The following F10 variants were observed in gnomAD, a reference collection of about 807,000 sequenced individuals.
The protein encoded by F10 is coagulation factor X.
A neutral mutation model predicts 37.1 loss-of-function variants in F10; 29 were observed. The ratio of observed to expected loss-of-function variants is 0.78; its 90% CI spans 0.58 to 1.07. The LOEUF is 1.07. Among genes scored for constraint, F10 ranks in the 50% least tolerant of loss-of-function variants. The pLI is 0.00. For synonymous variants in F10, 262 were observed against 268.6 expected, an observed-to-expected ratio of 0.98 and a Z score of 0.24; for missense variants, 539 against 667.9, an observed-to-expected ratio of 0.81 and a Z score of 2.13.
chr13:113,123,634 C>A (rs146004437), intron 1 of F10, among the ~76,000 whole-genome samples: 2 of 152,238 alleles, frequency 1.3e-5, no homozygotes, highest in Non-Finnish European at 2.9e-5. Context: ...CCAAGGGGAC[C>A]CAGGCCTGGG....
intron 1 of F10, among the ~76,000 whole-genome samples, chr13:113,125,243 C>T (rs145534666): frequency 3.8e-3 from 586 of 152,300 alleles, no homozygotes; most frequent in Non-Finnish European, 6.1e-3. Flanking sequence ...CAGTGCCAGC[C>T]TTTAAACTAC....
chr13:113,130,782 TCTAATGACCC>T (rs2036426676), intron 2 of F10: 1 of 152,326 alleles, frequency 6.6e-6, no homozygotes, highest in South Asian at 2.1e-4. Context: ...AAGTTCACCT[TCTAATGACCC>T]CTGCGGACCA....
chr13:113,130,549 C>CG (rs1420889212), intron 2 of F10: 1 of 152,330 alleles, frequency 6.6e-6, no homozygotes, highest in East Asian at 1.9e-4. Context: ...AGGCCAGCCG[C>CG]GGCTGGTGCC....
At chr13:113,123,300 A>G (rs934114094) in intron 1 of F10, among the ~76,000 whole-genome samples, 7 of 152,192 alleles carry the variant, frequency 4.6e-5, no homozygotes, top group Non-Finnish European at 5.9e-5. Flanking sequence ...GAGACAGGAC[A>G]GTTAGCCATC....
intron 7 of F10, among the ~76,000 whole-genome samples, chr13:113,148,392 A>G (rs950185522): frequency 6.2e-4 from 12 of 19,446 alleles, no homozygotes; most frequent in Non-Finnish European, 1.4e-3. Context: ...ATATATATAC[A>G]TATATATACA....
chr13:113,130,379 A>AG (rs1000174970), intron 2 of F10: 1 of 153,566 alleles, frequency 6.5e-6, no homozygotes, highest in African/African-American at 2.4e-5. Context: ...GAAATGGCCG[A>AG]GGGGTCTCGA....
chr13:113,122,877 G>A lies in F10; in HGVS notation c.22G>A (p.Val8Ile), dbSNP rs372884946. ...CACCATGGGGCGCCCACTGCACCTCGTCCTGCTCAGTGCCTCCCTGGCTGG... is the reference window on the plus strand; with the variant it reads ...CACCATGGGGCGCCCACTGCACCTCATCCTGCTCAGTGCCTCCCTGGCTGG... The part of the protein sequence containing the change: MGRPLHL[V>I]LLSASLAGLL... The change falls in exon 1 of 8, where the codon GTC (valine) becomes ATC (isoleucine). Residue 8 changes from valine (V) to isoleucine (I), a missense_variant. Physicochemically the swap from Val to Ile is conservative, Grantham distance 29. Transcript: ENST00000375559. 38 of 1,610,694 alleles carry A rather than the reference G, an allele frequency of 2.4e-5. No individual in the cohort carries two copies. Among genetic ancestry groups the A allele is most frequent in the Non-Finnish European group, 3.1e-5 (37 of 1,180,024 alleles).
At chr13:113,123,440 G>A (rs1375506281) in intron 1 of F10, among the ~76,000 whole-genome samples, 1 of 152,212 alleles carries the variant, frequency 6.6e-6, no homozygotes, top group Admixed American at 6.5e-5. Context: ...ATGCACAGCT[G>A]GACAGGTGGG....
At chr13:113,138,150 C>A (rs1391875019) in intron 2 of F10, among the ~76,000 whole-genome samples, 4 of 152,224 alleles carry the variant, frequency 2.6e-5, no homozygotes, top group African/African-American at 7.2e-5. Flanking sequence ...CATTGACCAG[C>A]TCGGGAGTAG....
chr13:113,141,101 G>A lies in F10; in HGVS notation c.502+51G>A. On this transcript the variant is annotated intron_variant, in intron 5 of 7. Coordinates refer to ENST00000375559, the MANE Select transcript of F10 (RefSeq NM_000504.4). The surrounding 1 kb of genome is among the most constrained non-coding windows in gnomAD (Gnocchi z 5.4). ...ACCCGCTGCCGCTGGGCCGGGCCAG[G>A]GAGGACAAGCCCGTGCCAGGGGGTG... 6.2e-7 allele frequency: 1 copy of A among 1,608,906 alleles called. No homozygotes were observed. Among genetic ancestry groups the A allele is most frequent in the Non-Finnish European group, 8.5e-7 (1 of 1,179,418 alleles).
In F10 at chr13:113,144,655, T is replaced by G. The variant is rs896025648; in HGVS notation, c.747+560T>G. 6.6e-6 allele frequency among the ~76,000 whole-genome samples: 1 copy of G among 152,264 alleles called. No individual in the cohort carries two copies. The highest frequency in any genetic ancestry group is 1.9e-4 in the East Asian group (1 of 5,202). On this transcript the variant is annotated intron_variant, in intron 6 of 7. Coordinates refer to ENST00000375559, the MANE Select transcript of F10 (RefSeq NM_000504.4). This position sits in a 1 kb window ranked among gnomAD's most constrained non-coding sequence, Gnocchi z 6.4. ...AACACCTAAATCCTATGGAGGTAGATAGTACCTTAGAGAAAAACACATCTA... is the reference window on the plus strand; with the variant it reads ...AACACCTAAATCCTATGGAGGTAGAGAGTACCTTAGAGAAAAACACATCTA...
At chr13:113,129,945 G>A in intron 2 of F10, 1 of 355,540 alleles carries the variant, frequency 2.8e-6, no homozygotes, top group Non-Finnish European at 5.5e-6. Flanking sequence ...CTCGGCCAGC[G>A]CCTCGCCGAG....
chr13:113,124,516 C>T (rs1341564764), intron 1 of F10, among the ~76,000 whole-genome samples: 1 of 152,240 alleles, frequency 6.6e-6, no homozygotes, highest in Non-Finnish European at 1.5e-5. Context: ...CAGGCCATCT[C>T]TCTCCCCTAC....
intron 6 of F10, among the ~76,000 whole-genome samples, chr13:113,145,824 G>C (rs779033851): frequency 6.6e-6 from 1 of 152,140 alleles, no homozygotes; most frequent in Non-Finnish European, 1.5e-5. Flanking sequence ...TGGGGAAACC[G>C]CCCTCACGAT....
At chr13:113,126,746 C>T (rs1399884924) in intron 1 of F10, among the ~76,000 whole-genome samples, 1 of 152,218 alleles carries the variant, frequency 6.6e-6, no homozygotes, top group Non-Finnish European at 1.5e-5. Flanking sequence ...AACTGGAGCC[C>T]AGGAGGCCCG....
rs2036531589 is a variant in F10 at position 113,141,896 on chromosome 13, A to T, written c.502+846A>T. Among the ~76,000 whole-genome samples the T allele has an allele frequency of 6.6e-6, 1 of 152,222 alleles. No homozygotes were observed. The highest frequency in any genetic ancestry group is 2.4e-5 in the African/African-American group (1 of 41,460). On this transcript the variant is annotated intron_variant, in intron 5 of 7. Coordinates refer to ENST00000375559, the MANE Select transcript of F10 (RefSeq NM_000504.4). The surrounding 1 kb of genome is among the most constrained non-coding windows in gnomAD (Gnocchi z 5.4). The stretch of plus-strand genomic sequence containing the variant: ...GTGACCCAGCTCACCTTCCGGCTTC[A>T]GGTGCGGCTCAGCCCCCAGACCGTG...
chr13:113,143,787 A>G lies in F10; in HGVS notation c.503-64A>G. The G allele has an allele frequency of 6.2e-7, 1 of 1,600,972 alleles. No individual in the cohort carries two copies. ...TCTCTGACTCTTCTCCCTCAGGGTG[A>G]GCTGTGCAGGCTATGGGGAGCCTCT... On this transcript the variant is annotated intron_variant, in intron 5 of 7. Transcript: ENST00000375559. This position sits in a 1 kb window ranked among gnomAD's most constrained non-coding sequence, Gnocchi z 6.8.
chr13:113,127,855 G>A (rs2036385184), intron 1 of F10, among the ~76,000 whole-genome samples: 1 of 152,212 alleles, frequency 6.6e-6, no homozygotes, highest in African/African-American at 2.4e-5. Context: ...GTGGGGCCAG[G>A]CTGAAGGGGC....
chr13:113,137,033 C>T (rs953491724), intron 2 of F10, among the ~76,000 whole-genome samples: 2 of 152,094 alleles, frequency 1.3e-5, no homozygotes, highest in Admixed American at 6.6e-5. Flanking sequence ...GATCCACCCG[C>T]CTCAGCCTCC....
Sources: allele counts gnomAD v4.1 joint callset (sites outside exome capture counted in the v4.1 genomes callset), GRCh38; gene constraint gnomAD v4.1.1; non-coding constraint Gnocchi (gnomAD v3.1); transcripts MANE v1.5; gene names NCBI Gene and HGNC (gene_info 2026-07-23, HGNC 2026-07-21).